The following ZGPAT variants were observed in gnomAD, a reference collection of about 807,000 sequenced individuals.
The protein encoded by ZGPAT is zinc finger CCCH-type with G patch domain-containing protein.
ZGPAT carries 39 observed loss-of-function variants against 47.9 expected under a neutral mutation model. The ratio of observed to expected loss-of-function variants is 0.81; its 90% confidence interval spans 0.63 to 1.06. The LOEUF (loss-of-function observed/expected upper bound fraction) is 1.06. Among genes scored for constraint, ZGPAT ranks in the 50% least tolerant of loss-of-function variants. ZGPAT has a pLI of 0.00. For synonymous variants in ZGPAT, 348 were observed against 292.9 expected (o/e 1.19, Z -1.92); for missense variants, 717 against 681.4 (o/e 1.05, Z -0.58).
intron 2 of ZGPAT, 99 bp downstream of exon 2, chr20:63,709,263 C>T (rs529351022): frequency 1.5e-6 from 2 of 1,355,630 alleles, no homozygotes; most frequent in Admixed American, 1.7e-5. Context: ...GCAGTTTTGT[C>T]TCAGCTTCCT....
rs773199960 is a variant in ZGPAT, at chr20:63,733,394, G to GC, written c.718+46dup. The GC allele has an allele frequency of 5.0e-6, 8 of 1,602,926 alleles. No homozygotes were observed. In the African/African-American group the frequency reaches 1.1e-4, roughly 21 times the overall value. On this transcript the variant is annotated intron_variant, in intron 3 of 6. Transcript: ENST00000355969. ...GGGCCTCCCGGGAACACCCTCCCAGGCCCCACGTGTGTTGTCACTGTGTGG... is the reference window on the plus strand; with the variant it reads ...GGGCCTCCCGGGAACACCCTCCCAGGCCCCCACGTGTGTTGTCACTGTGTGG...
At chr20:63,712,633 C>T (rs528455851) in intron 2 of ZGPAT, among the ~76,000 whole-genome samples, 3 of 152,114 alleles carry the variant, frequency 2.0e-5, no homozygotes, top group African/African-American at 2.4e-5. Context: ...TGGTGGCTGA[C>T]GCCTGTAATC....
At chr20:63,732,879 T>C (rs1222825336) in intron 2 of ZGPAT, among the ~76,000 whole-genome samples, 1 of 152,018 alleles carries the variant, frequency 6.6e-6, no homozygotes, top group Non-Finnish European at 1.5e-5. Flanking sequence ...CGTGTGCGTA[T>C]GCGTGTATGT....
intron 2 of ZGPAT, among the ~76,000 whole-genome samples, chr20:63,721,436 C>T (rs557136543): frequency 3.3e-5 from 5 of 152,084 alleles, no homozygotes; most frequent in East Asian, 3.9e-4. Context: ...CTTCAGTGTC[C>T]GCCAGGCTGT....
Position 63,723,251 on chromosome 20 carries a change from A to T in ZGPAT, c.585-9968A>T, listed in dbSNP as rs570191046. 9.8e-5 allele frequency among the ~76,000 whole-genome samples: 12 copies of T among 122,740 alleles called. No homozygotes were observed. The South Asian group carries it at 1.5e-3, about 15-fold the overall frequency. The allele number at this position is 122,740 out of a possible 152,430, so 80.5% of individuals were successfully genotyped here. A position where few individuals can be genotyped will look rare whatever the true frequency, so the allele number is the denominator to read the frequency against. Reference sequence around the variant, plus strand: ...TAGCTCCATCCTCCCTTCTCCTCTGACACAGCTCCATCCTCCCTTCTCCTC... The same window carrying T: ...TAGCTCCATCCTCCCTTCTCCTCTGTCACAGCTCCATCCTCCCTTCTCCTC... On this transcript the variant is annotated intron_variant, in intron 2 of 6. Coordinates refer to ENST00000355969, the MANE Select transcript of ZGPAT (RefSeq NM_181485.3).
At position 63,721,153 on chromosome 20, in the gene ZGPAT, A is replaced by G. The variant is rs564613371; in HGVS notation, c.584+11989A>G. Among the ~76,000 whole-genome samples, 4 of 152,174 alleles carry G rather than the reference A, an allele frequency of 2.6e-5. No individual in the cohort carries two copies. The South Asian group carries it at 8.3e-4, about 32-fold the overall frequency. ...GATCACTTGAGGTCAGGAGTTTAAG[A>G]TCAGCCTGGCCAGTATGGTGAAACC... is the stretch of plus-strand genomic sequence containing the variant. On this transcript the variant is annotated intron_variant, in intron 2 of 6. Coordinates refer to ENST00000355969, the MANE Select transcript of ZGPAT (RefSeq NM_181485.3).
At chr20:63,733,117 T>C (rs902478236) in intron 2 of ZGPAT, 102 bp from the exon 3 acceptor site, 14 of 1,485,796 alleles carry the variant, frequency 9.4e-6, no homozygotes, top group Non-Finnish European at 1.0e-5. Flanking sequence ...TGTGTGTCTG[T>C]CTCCCTCAGG....
intron 2 of ZGPAT, among the ~76,000 whole-genome samples, chr20:63,709,735 G>GT (rs1284992524): frequency 1.3e-5 from 2 of 152,004 alleles, no homozygotes. Flanking sequence ...CTGGAGTGCA[G>GT]TGGCATAGTC....
chr20:63,729,565 C>T (rs1013173331), intron 2 of ZGPAT, among the ~76,000 whole-genome samples: 2 of 152,180 alleles, frequency 1.3e-5, no homozygotes, highest in South Asian at 2.1e-4. Context: ...GATGCTTCCT[C>T]TGCCACACGA....
chr20:63,725,209 C>T (rs2091832680), intron 2 of ZGPAT, among the ~76,000 whole-genome samples: 1 of 151,874 alleles, frequency 6.6e-6, no homozygotes, highest in Non-Finnish European at 1.5e-5. Flanking sequence ...TGGTCTTGAT[C>T]TCCTGACCTC....
intron 4 of ZGPAT, 150 bp downstream of exon 4, chr20:63,733,889 G>A (rs2091948910): frequency 2.0e-6 from 2 of 1,022,830 alleles, no homozygotes; most frequent in South Asian, 3.3e-5. Context: ...AGGCCGTGTG[G>A]GTAGGGGTAG....
At chr20:63,722,276 C>A (rs1568791749) in intron 2 of ZGPAT, among the ~76,000 whole-genome samples, 1 of 152,196 alleles carries the variant, frequency 6.6e-6, no homozygotes, top group Non-Finnish European at 1.5e-5. Context: ...CAGCTGTCCT[C>A]CTGAAATTTA....
At chr20:63,729,027 TTTTTTTC>T (rs1347914501) in intron 2 of ZGPAT, among the ~76,000 whole-genome samples, 1 of 149,496 alleles carries the variant, frequency 6.7e-6, no homozygotes, top group African/African-American at 2.5e-5. Context: ...TTATTTTTTC[TTTTTTTC>T]TTTTTTTTTT....
intron 2 of ZGPAT, among the ~76,000 whole-genome samples, chr20:63,711,927 A>G (rs1254318961): frequency 6.6e-6 from 1 of 152,210 alleles, no homozygotes; most frequent in East Asian, 1.9e-4. Flanking sequence ...CTTATGAAGT[A>G]TATAGTTTGC....
rs1246931642 is a variant in ZGPAT, at chr20:63,708,099, G to A, written c.-48G>A. 1 of 152,162 alleles carries A rather than the reference G, an allele frequency of 6.6e-6. No individual in the cohort carries two copies. Among genetic ancestry groups the A allele is most frequent in the East Asian group, 1.9e-4 (1 of 5,188 alleles). 9.4% of individuals were successfully genotyped at this position (152,162 alleles called of 1,614,324 possible). On this transcript the variant is annotated 5_prime_UTR_variant, in exon 1 of 7. Coordinates refer to ENST00000355969, the MANE Select transcript of ZGPAT (RefSeq NM_181485.3). ...GATCGGCTGCTGGGGCGAAAAGGGG[G>A]CGCCGGGCCGCTCTAGCCGGTGAGG...
At chr20:63,728,037 C>CTTTTTTTTTTTTTTTTTTTTATTTT (rs11483917) in intron 2 of ZGPAT, among the ~76,000 whole-genome samples, 1 of 133,316 alleles carries the variant, frequency 7.5e-6, no homozygotes. Flanking sequence ...TTTTTAAATT[C>CTTTTTTTTTTTTTTTTTTTTATTTT]TTTTTTTTTT....
intron 2 of ZGPAT, among the ~76,000 whole-genome samples, chr20:63,731,542 G>C (rs2145690580): frequency 9.4e-6 from 1 of 105,850 alleles, no homozygotes. Flanking sequence ...CGTGTGTAAA[G>C]TGTACAGTTG....
At chr20:63,721,259 G>A (rs904622539) in intron 2 of ZGPAT, among the ~76,000 whole-genome samples, 12 of 151,938 alleles carry the variant, frequency 7.9e-5, no homozygotes. Flanking sequence ...GACTGAGGCA[G>A]GAGAATCGCT....
At chr20:63,716,190 T>C (rs999110186) in intron 2 of ZGPAT, among the ~76,000 whole-genome samples, 1 of 152,158 alleles carries the variant, frequency 6.6e-6, no homozygotes, top group African/African-American at 2.4e-5. Context: ...CCAGCATACC[T>C]GGCTAATTTT....
Sources: gnomAD v4.1 joint callset for allele counts (sites outside exome capture counted in the v4.1 genomes callset) on GRCh38, gnomAD v4.1.1 for gene constraint, MANE v1.5 for transcripts, NCBI Gene and HGNC (gene_info 2026-07-23, HGNC 2026-07-21) for gene names.